NUP160: variants seen among roughly 807,000 people sequenced by gnomAD.
NUP160 encodes the protein nucleoporin 160, also known as nuclear pore complex protein Nup160.
A neutral mutation model predicts 196.9 loss-of-function variants in NUP160; 94 were observed. The observed-to-expected ratio is 0.48, with a 90% CI of 0.40 to 0.57. NUP160 has a LOEUF of 0.57. Among genes scored for constraint, NUP160 ranks in the 20% least tolerant of loss-of-function variants. The pLI is 0.00. For synonymous variants in NUP160, 605 were observed against 619.7 expected (o/e 0.98, Z 0.35); for missense variants, 1,638 against 1,748.3 (o/e 0.94, Z 1.13).
At chr11:47,811,967 A>T (rs1433064310) in intron 17 of NUP160, 97 bp downstream of exon 17, 1 of 1,063,104 alleles carries the variant, frequency 9.4e-7, no homozygotes, top group Non-Finnish European at 1.4e-6. Flanking sequence ...CCAAGACAAA[A>T]GTATCTGTGC....
chr11:47,839,849 T>A, exon 4 of NUP160: 1 of 1,611,540 alleles, frequency 6.2e-7, no homozygotes, highest in Non-Finnish European at 8.5e-7. Context: ...TTACCAGGTA[T>A]GTCATAAGGA....
At chr11:47,820,298 T>C (rs1167883910) in intron 9 of NUP160, 10 of 152,180 alleles carry the variant, frequency 6.6e-5, no homozygotes, top group Admixed American at 5.9e-4. Flanking sequence ...CAGCCAAAAA[T>C]TGTTTTGTAA....
intron 33 of NUP160, 62 bp downstream of exon 33, chr11:47,784,860 A>G: frequency 7.8e-7 from 1 of 1,276,966 alleles, no homozygotes; most frequent in Non-Finnish European, 1.1e-6. Context: ...TAATCATCTC[A>G]TGAAGTTATC....
intron 21 of NUP160, 126 bp downstream of exon 21, chr11:47,804,423 T>A: frequency 1.5e-6 from 1 of 661,960 alleles, no homozygotes; most frequent in South Asian, 2.0e-5. Flanking sequence ...TTGGGGTATG[T>A]CTTCACATAA....
rs532167803 is a variant in NUP160 at position 47,835,317 on chromosome 11, C to T, written c.1101+334G>A. On this transcript the variant is annotated intron_variant, in intron 7 of 35. Transcript: ENST00000378460. ...ACAGACAGCAGCTACTGTCTGGATG[C>T]TAAGCAAATTTATTTAGAAAAATTA... 7.9e-5 allele frequency among the ~76,000 whole-genome samples: 12 copies of T among 152,284 alleles called. No individual in the cohort carries two copies. In the South Asian group the frequency reaches 1.9e-3, roughly 24 times the overall value.
chr11:47,809,144 G>C (rs960053746), intron 17 of NUP160, among the ~76,000 whole-genome samples: 1 of 150,378 alleles, frequency 6.6e-6, no homozygotes, highest in Non-Finnish European at 1.5e-5. Flanking sequence ...GTATGTGCCT[G>C]TAGTCCCAGG....
intron 17 of NUP160, 89 bp downstream of exon 17, chr11:47,811,974 GT>G: frequency 8.6e-7 from 1 of 1,158,796 alleles, no homozygotes; most frequent in Non-Finnish European, 1.3e-6. Flanking sequence ...AAAAGTATCT[GT>G]GCTAGTAGGG....
At chr11:47,820,026 A>G (rs1023824550) in intron 9 of NUP160, among the ~76,000 whole-genome samples, 4 of 152,132 alleles carry the variant, frequency 2.6e-5, no homozygotes, top group African/African-American at 9.7e-5. Context: ...CTTCCCAGGT[A>G]TGGCCTGAGG....
At chr11:47,828,169 G>A (rs1339376518) in intron 7 of NUP160, among the ~76,000 whole-genome samples, 1 of 152,122 alleles carries the variant, frequency 6.6e-6, no homozygotes, top group African/African-American at 2.4e-5. Flanking sequence ...GTAATCAAAA[G>A]TTTATTTGCA....
intron 23 of NUP160, among the ~76,000 whole-genome samples, chr11:47,798,979 A>G (rs1451979291): frequency 2.0e-5 from 3 of 152,018 alleles, no homozygotes; most frequent in Non-Finnish European, 4.4e-5. Context: ...TGAATGAAAG[A>G]ATAAATACGA....
At position 47,830,933 on chromosome 11, in the gene NUP160, G is replaced by A. The variant is rs553990551; in HGVS notation, c.1101+4718C>T. Among the ~76,000 whole-genome samples the A allele has an allele frequency of 2.3e-3, 347 of 152,190 alleles. 1 individual carries two copies. The highest frequency in any genetic ancestry group is 3.4e-3 in the Middle Eastern group (1 of 292). ...AATCCCAGCACTTTGGGAAGCTGAG[G>A]CTGGTGGATCACCTGAGGTCAGGAG... On this transcript the variant is annotated intron_variant, in intron 7 of 35. Transcript: ENST00000378460.
intron 27 of NUP160, chr11:47,796,465 G>T: frequency 3.5e-6 from 1 of 287,354 alleles, no homozygotes; most frequent in Non-Finnish European, 6.4e-6. Context: ...AGAAGGACCA[G>T]CAAAAACAAA....
upstream of NUP160, chr11:47,848,480 G>A: frequency 2.2e-6 from 3 of 1,339,124 alleles, no homozygotes; most frequent in Non-Finnish European, 2.0e-6. Flanking sequence ...GGAGAATGAG[G>A]GTGGGCAGCG....
At chr11:47,826,478 T>A (rs1289626369) in intron 7 of NUP160, among the ~76,000 whole-genome samples, 1 of 152,142 alleles carries the variant, frequency 6.6e-6, no homozygotes, top group East Asian at 1.9e-4. Context: ...CGATCTGACC[T>A]TTAGAGCAGT....
intron 7 of NUP160, among the ~76,000 whole-genome samples, chr11:47,824,008 CATATATATAT>C (rs58246222): frequency 0.22 from 15,840 of 73,034 alleles, 1,584 homozygotes; most frequent in Non-Finnish European, 0.26. Context: ...AATTCTTTTG[CATATATATAT>C]ATATATATAT....
At chr11:47,829,738 A>T (rs1565205836) in intron 7 of NUP160, among the ~76,000 whole-genome samples, 1 of 152,232 alleles carries the variant, frequency 6.6e-6, no homozygotes, top group Non-Finnish European at 1.5e-5. Flanking sequence ...TAAAGACTTA[A>T]ACATAACACG....
intron 7 of NUP160, among the ~76,000 whole-genome samples, chr11:47,826,570 CT>C (rs1555005591): frequency 3.9e-4 from 42 of 106,986 alleles, no homozygotes; most frequent in African/African-American, 8.2e-4. Flanking sequence ...TCCCCCCCCC[CT>C]TTTTTTTTTG....
intron 4 of NUP160, among the ~76,000 whole-genome samples, chr11:47,838,641 C>G (rs10838776): frequency 2.7e-5 from 4 of 148,918 alleles, no homozygotes; most frequent in African/African-American, 7.5e-5. Context: ...CTGGGGGGGG[C>G]GGAGGTTGCA....
intron 23 of NUP160, 126 bp downstream of exon 23, chr11:47,801,685 T>C (rs1654448315): frequency 9.8e-6 from 9 of 916,316 alleles, no homozygotes. Flanking sequence ...ATTCATTTTT[T>C]TTAAATTTGG....
Sources: allele counts gnomAD v4.1 joint callset (sites outside exome capture counted in the v4.1 genomes callset), GRCh38; gene constraint gnomAD v4.1.1; transcripts MANE v1.5; gene names NCBI Gene and HGNC (gene_info 2026-07-23, HGNC 2026-07-21).